DPP10: variants seen among roughly 807,000 people sequenced by gnomAD.
DPP10 encodes the protein inactive dipeptidyl peptidase 10.
Under a neutral mutation model 120.9 loss-of-function variants are expected in DPP10, and 33 were observed. The ratio of observed to expected loss-of-function variants is 0.27; its 90% confidence interval spans 0.21 to 0.37. DPP10 has a LOEUF of 0.37. DPP10 is among the 10% of genes least tolerant of loss of function. The pLI is 1.00. For missense variants in DPP10, 816 were observed against 942.8 expected, an observed-to-expected ratio of 0.87 and a Z score of 1.76; for synonymous variants, 337 against 326.1, an observed-to-expected ratio of 1.03 and a Z score of -0.36.
chr2:114,780,060 C>T (rs1455234114), intron 1 of DPP10, among the ~76,000 whole-genome samples: 3 of 151,902 alleles, frequency 2.0e-5, no homozygotes, highest in East Asian at 1.9e-4. Context: ...GGTGTGAACC[C>T]GGGAGGCGTA....
chr2:115,572,832 T>TGGA (rs904294589), intron 5 of DPP10, among the ~76,000 whole-genome samples: 6 of 152,184 alleles, frequency 3.9e-5, no homozygotes, highest in African/African-American at 1.4e-4. Flanking sequence ...TAAAAACCTT[T>TGGA]GGAGTAACTC....
At chr2:115,040,181 G>T (rs1704530195) in intron 1 of DPP10, among the ~76,000 whole-genome samples, 1 of 151,858 alleles carries the variant, frequency 6.6e-6, no homozygotes, top group Admixed American at 6.6e-5. Flanking sequence ...GATGTCTGGG[G>T]GATTACAATT....
chr2:115,219,544 G>T (rs978572118), intron 1 of DPP10, among the ~76,000 whole-genome samples: 1 of 152,006 alleles, frequency 6.6e-6, no homozygotes, highest in African/African-American at 2.4e-5. Flanking sequence ...AAAGAATAAT[G>T]ACAGAAATTA....
intron 1 of DPP10, among the ~76,000 whole-genome samples, chr2:115,038,918 G>A (rs944744700): frequency 6.6e-6 from 1 of 152,154 alleles, no homozygotes; most frequent in African/African-American, 2.4e-5. Context: ...CTGGGACTCA[G>A]ATCACCGAAG....
intron 1 of DPP10, among the ~76,000 whole-genome samples, chr2:114,808,789 C>A (rs1684951158): frequency 6.6e-6 from 1 of 152,096 alleles, no homozygotes; most frequent in Non-Finnish European, 1.5e-5. Flanking sequence ...AAGCACACAT[C>A]CCCCAAGTCC....
chr2:114,660,996 T>C (rs1271347934), intron 1 of DPP10, among the ~76,000 whole-genome samples: 1 of 152,190 alleles, frequency 6.6e-6, no homozygotes, highest in Non-Finnish European at 1.5e-5. Context: ...TTTTGAAAAA[T>C]ATTTCTGCTT....
chr2:115,466,592 C>G (rs931594015), intron 3 of DPP10, among the ~76,000 whole-genome samples: 2 of 152,054 alleles, frequency 1.3e-5, no homozygotes, highest in South Asian at 4.1e-4. Context: ...GTAACATTAA[C>G]ATCTAAGATG....
At chr2:115,038,032 T>C (rs960739346) in intron 1 of DPP10, among the ~76,000 whole-genome samples, 2 of 152,156 alleles carry the variant, frequency 1.3e-5, no homozygotes, top group African/African-American at 4.8e-5. Flanking sequence ...TACTATATTT[T>C]ACTTGGGTTT....
chr2:115,398,556 A>C (rs2067846609), intron 3 of DPP10, among the ~76,000 whole-genome samples: 1 of 151,976 alleles, frequency 6.6e-6, no homozygotes, highest in Non-Finnish European at 1.5e-5. Context: ...TTTTGAATGC[A>C]AATAGTCAGT....
intron 1 of DPP10, among the ~76,000 whole-genome samples, chr2:114,493,880 T>C (rs1332049563): frequency 6.6e-6 from 1 of 152,134 alleles, no homozygotes; most frequent in Non-Finnish European, 1.5e-5. Flanking sequence ...GGAGTCAGGA[T>C]ACCTGGCCTC....
At chr2:115,256,783 T>C (rs1220176589) in intron 1 of DPP10, among the ~76,000 whole-genome samples, 1 of 152,196 alleles carries the variant, frequency 6.6e-6, no homozygotes, top group African/African-American at 2.4e-5. Flanking sequence ...TTTTAAACTT[T>C]TACACTCTTC....
chr2:115,248,307 T>A (rs916229487), intron 1 of DPP10, among the ~76,000 whole-genome samples: 3 of 152,178 alleles, frequency 2.0e-5, no homozygotes, highest in African/African-American at 7.2e-5. Flanking sequence ...TGCTAGACCA[T>A]GAGCTGTATT....
chr2:115,330,143 G>A (rs2062624648), intron 2 of DPP10, among the ~76,000 whole-genome samples: 1 of 151,992 alleles, frequency 6.6e-6, no homozygotes, highest in Non-Finnish European at 1.5e-5. Flanking sequence ...ACTGGTGTGA[G>A]ATGGTATCTC....
intron 5 of DPP10, among the ~76,000 whole-genome samples, chr2:115,541,142 G>A (rs1444203952): frequency 6.6e-6 from 1 of 151,884 alleles, no homozygotes; most frequent in Non-Finnish European, 1.5e-5. Context: ...TTAGGTTATT[G>A]TGGATTATAC....
chr2:115,222,787 T>G (rs1484640081), intron 1 of DPP10, among the ~76,000 whole-genome samples: 3 of 152,162 alleles, frequency 2.0e-5, no homozygotes, highest in Non-Finnish European at 4.4e-5. Flanking sequence ...AAATTTGTCC[T>G]AAAGAGTCAG....
At chr2:115,833,918 C>T (rs545751249) in intron 21 of DPP10, among the ~76,000 whole-genome samples, 76 of 151,924 alleles carry the variant, frequency 5.0e-4, no homozygotes, top group Non-Finnish European at 8.4e-4. Context: ...CATAGCTTAC[C>T]CCACCTTCTT....
chr2:114,897,770 G>C (rs560451409), intron 1 of DPP10, among the ~76,000 whole-genome samples: 1 of 152,332 alleles, frequency 6.6e-6, no homozygotes, highest in African/African-American at 2.4e-5. Context: ...CTGGCCATTA[G>C]AGAAATGCAA....
intron 1 of DPP10, among the ~76,000 whole-genome samples, chr2:115,262,370 T>A (rs1438691777): frequency 1.3e-5 from 2 of 152,002 alleles, no homozygotes; most frequent in African/African-American, 4.8e-5. Flanking sequence ...ATGTTTACTA[T>A]TATTTTTATT....
intron 1 of DPP10, among the ~76,000 whole-genome samples, chr2:115,158,352 T>A (rs547911137): frequency 6.6e-6 from 1 of 152,196 alleles, no homozygotes; most frequent in Non-Finnish European, 1.5e-5. Context: ...TTCCTGTTTT[T>A]AAAGGGTAAA....
Sources: allele counts gnomAD v4.1 joint callset (sites outside exome capture counted in the v4.1 genomes callset), GRCh38; gene constraint gnomAD v4.1.1; transcripts MANE v1.5; gene names NCBI Gene and HGNC (gene_info 2026-07-23, HGNC 2026-07-21).